Variants in MACROH2A2 observed in about 807,000 individuals in gnomAD.
MACROH2A2 encodes the protein core histone macro-H2A.2.
In MACROH2A2, 6 loss-of-function variants were observed where a neutral mutation model predicts 37.6. The ratio of observed to expected loss-of-function variants is 0.16; its 90% CI spans 0.09 to 0.32. The LOEUF (loss-of-function observed/expected upper bound fraction) is 0.32. Among genes scored for constraint, MACROH2A2 ranks in the 10% least tolerant of loss-of-function variants. MACROH2A2 has a pLI of 1.00. For synonymous variants in MACROH2A2, 192 were observed against 202.7 expected (o/e 0.95, Z 0.45); for missense variants, 290 against 485.9 (o/e 0.60, Z 3.79).
chr10:70,079,731 T>C (rs2072164432), intron 2 of MACROH2A2, among the ~76,000 whole-genome samples: 1 of 152,106 alleles, frequency 6.6e-6, no homozygotes, highest in Non-Finnish European at 1.5e-5. Flanking sequence ...TTAGTGTCAC[T>C]TTGTGAAGAA....
At chr10:70,066,912 A>G (rs2072082563) in intron 1 of MACROH2A2, among the ~76,000 whole-genome samples, 1 of 152,110 alleles carries the variant, frequency 6.6e-6, no homozygotes, top group Non-Finnish European at 1.5e-5. Flanking sequence ...ATTTAGTGCC[A>G]TGTTTTTCAT....
chr10:70,058,901 C>G (rs562024940), intron 1 of MACROH2A2, among the ~76,000 whole-genome samples: 1 of 152,174 alleles, frequency 6.6e-6, no homozygotes, highest in East Asian at 1.9e-4. Context: ...CCCCGTCCCC[C>G]CACCACCCCG....
intron 1 of MACROH2A2, among the ~76,000 whole-genome samples, chr10:70,067,617 G>A (rs761242491): frequency 8.5e-5 from 13 of 152,178 alleles, no homozygotes; most frequent in Non-Finnish European, 1.3e-4. Context: ...TGATTTTATT[G>A]TGATTATAGA....
At chr10:70,069,999 A>G (rs2072099956) in intron 1 of MACROH2A2, among the ~76,000 whole-genome samples, 1 of 152,136 alleles carries the variant, frequency 6.6e-6, no homozygotes, top group African/African-American at 2.4e-5. Context: ...GAGGCTCAGC[A>G]CTTCCTCCCG....
chr10:70,084,999 C>T (rs2072202283), intron 2 of MACROH2A2, among the ~76,000 whole-genome samples: 1 of 152,148 alleles, frequency 6.6e-6, no homozygotes. Context: ...ACCATCTAGA[C>T]ACTCAATACA....
chr10:70,082,983 CTT>C (rs11287364), intron 2 of MACROH2A2, among the ~76,000 whole-genome samples: 51 of 143,752 alleles, frequency 3.5e-4, no homozygotes, highest in East Asian at 4.0e-4. Flanking sequence ...GTATGTTTTC[CTT>C]TTTTTTTTTT....
intron 3 of MACROH2A2, among the ~76,000 whole-genome samples, chr10:70,090,797 C>A (rs1343426471): frequency 6.6e-6 from 1 of 152,152 alleles, no homozygotes; most frequent in Non-Finnish European, 1.5e-5. Flanking sequence ...TTTTTGTTAT[C>A]AGATTCAACA....
chr10:70,064,638 A>T (rs2072068799), intron 1 of MACROH2A2, among the ~76,000 whole-genome samples: 1 of 152,148 alleles, frequency 6.6e-6, no homozygotes, highest in Non-Finnish European at 1.5e-5. Flanking sequence ...TATTCTCCTG[A>T]TAGTGAATAA....
intron 5 of MACROH2A2, among the ~76,000 whole-genome samples, chr10:70,095,184 C>T (rs561846084): frequency 3.9e-5 from 6 of 152,124 alleles, no homozygotes; most frequent in South Asian, 4.2e-4. Flanking sequence ...CTGGCTAACA[C>T]GATGAAACTC....
At chr10:70,090,781 C>A (rs2072240225) in intron 3 of MACROH2A2, among the ~76,000 whole-genome samples, 1 of 152,054 alleles carries the variant, frequency 6.6e-6, no homozygotes, top group Admixed American at 6.5e-5. Flanking sequence ...AACTACAAGC[C>A]ATAATTTTTT....
chr10:70,062,102 C>T (rs2072053908), intron 1 of MACROH2A2, among the ~76,000 whole-genome samples: 1 of 152,174 alleles, frequency 6.6e-6, no homozygotes. Flanking sequence ...TAGGGTAACA[C>T]ACCAAAATAC....
intron 2 of MACROH2A2, among the ~76,000 whole-genome samples, chr10:70,088,188 C>T (rs1299435809): frequency 1.3e-5 from 2 of 151,418 alleles, no homozygotes; most frequent in Admixed American, 6.6e-5. Context: ...CACATATGCC[C>T]GCCTGCACAC....
chr10:70,111,593 G>T lies in MACROH2A2; in HGVS notation c.1029G>T (p.Ala343=). 6.2e-7 allele frequency: 1 copy of T among 1,613,788 alleles called. No individual in the cohort carries two copies. Among genetic ancestry groups the T allele is most frequent in the Non-Finnish European group, 8.5e-7 (1 of 1,179,864 alleles). ...CAGCCCACTTTGATGACTCGAGCGCGTCCTCGCTGAAGAACGTGTACTTCC... is the reference window on the plus strand; with the variant it reads ...CAGCCCACTTTGATGACTCGAGCGCTTCCTCGCTGAAGAACGTGTACTTCC... ...AISAHFDDSS[A]SSLKNVYFLL... Residue 343 remains alanine (A), a synonymous_variant, in exon 9 of 9, where the codon GCG becomes GCT. Coordinates refer to ENST00000373255, the MANE Select transcript of MACROH2A2 (RefSeq NM_018649.3).
chr10:70,101,024 A>C (rs1564547303), intron 7 of MACROH2A2, among the ~76,000 whole-genome samples: 1 of 152,166 alleles, frequency 6.6e-6, no homozygotes, highest in Non-Finnish European at 1.5e-5. Flanking sequence ...CTCACACAGA[A>C]ACCCTGTTGG....
rs74139269 is a variant in MACROH2A2 at position 70,107,446 on chromosome 10, G to A, written c.779-1587G>A. Among the ~76,000 whole-genome samples, 12 of 152,274 alleles carry A rather than the reference G, an allele frequency of 7.9e-5. No individual in the cohort carries two copies. The highest frequency in any genetic ancestry group is 2.9e-4 in the African/African-American group (12 of 41,558). On this transcript the variant is annotated intron_variant, in intron 7 of 8. Coordinates refer to ENST00000373255, the MANE Select transcript of MACROH2A2 (RefSeq NM_018649.3). The surrounding 1 kb of genome is among the most constrained non-coding windows in gnomAD (Gnocchi z 4.4). ...CCTAGTGGCCACGGACCCTTGCTAC[G>A]CCGATTCCTGGGTTCCTGGAGGGGC...
chr10:70,107,600 C>A lies in MACROH2A2; in HGVS notation c.779-1433C>A, dbSNP rs572234494. On this transcript the variant is annotated intron_variant, in intron 7 of 8. Coordinates refer to ENST00000373255, the MANE Select transcript of MACROH2A2 (RefSeq NM_018649.3). The surrounding 1 kb of genome is among the most constrained non-coding windows in gnomAD (Gnocchi z 4.4). ...GGACTTCCCTCGAGCTTAGCAGCCA[C>A]GGGGCTTTATCAACTCTGTCACCAA... Among the ~76,000 whole-genome samples the A allele has an allele frequency of 2.0e-5, 3 of 152,164 alleles. No homozygotes were observed. The highest frequency in any genetic ancestry group is 7.2e-5 in the African/African-American group (3 of 41,440).
chr10:70,083,077 C>T (rs1282269767), intron 2 of MACROH2A2, among the ~76,000 whole-genome samples: 1 of 151,886 alleles, frequency 6.6e-6, no homozygotes, highest in South Asian at 2.1e-4. Flanking sequence ...CAGGGTATAG[C>T]CCCCCTGCAG....
At chr10:70,078,530 A>G (rs1395969629) in intron 2 of MACROH2A2, among the ~76,000 whole-genome samples, 1 of 152,182 alleles carries the variant, frequency 6.6e-6, no homozygotes, top group Non-Finnish European at 1.5e-5. Context: ...TGACTCATTG[A>G]CCAGCTCTGT....
chr10:70,075,568 C>T lies in MACROH2A2; in HGVS notation c.-59-32C>T. ...TGTGCCCAAGATGTTTGCCAACTAC[C>T]CTTCCTCAACTCTGTCTTCTTTCCT... On this transcript the variant is annotated intron_variant, in intron 1 of 8. Coordinates refer to ENST00000373255, the MANE Select transcript of MACROH2A2 (RefSeq NM_018649.3). The surrounding 1 kb of genome is among the most constrained non-coding windows in gnomAD (Gnocchi z 5.0). The T allele has an allele frequency of 7.8e-7, 1 of 1,287,396 alleles. No individual in the cohort carries two copies. The highest frequency in any genetic ancestry group is 1.1e-6 in the Non-Finnish European group (1 of 901,226). 79.7% of individuals were successfully genotyped at this position (1,287,396 alleles called of 1,614,324 possible).
Sources: allele counts gnomAD v4.1 joint callset (sites outside exome capture counted in the v4.1 genomes callset), GRCh38; gene constraint gnomAD v4.1.1; non-coding constraint Gnocchi (gnomAD v3.1); transcripts MANE v1.5; gene names NCBI Gene and HGNC (gene_info 2026-07-23, HGNC 2026-07-21).